KCND2: variants seen among roughly 807,000 people sequenced by gnomAD.
KCND2 encodes potassium voltage-gated channel subfamily D member 2.
In KCND2, 16 loss-of-function variants were observed where a neutral mutation model predicts 54.4. That is an observed-to-expected ratio of 0.29 (90% CI 0.20 to 0.45). KCND2 has a LOEUF of 0.45. Ranked by LOEUF, KCND2 falls within the 20% of genes least tolerant of loss-of-function variation. The pLI, the probability that KCND2 is intolerant of heterozygous loss-of-function variation, is 1.00. For synonymous variants in KCND2, 317 were observed against 310.7 expected, an observed-to-expected ratio of 1.02 and a Z score of -0.21; for missense variants, 486 against 824.2, an observed-to-expected ratio of 0.59 and a Z score of 5.02.
chr7:120,661,577 G>C (rs1192381276), intron 1 of KCND2, among the ~76,000 whole-genome samples: 4 of 151,864 alleles, frequency 2.6e-5, no homozygotes, highest in African/African-American at 9.7e-5. Context: ...TTGAACCTGA[G>C]AGGCGGAGGC....
chr7:120,621,205 G>A (rs921708057), intron 1 of KCND2, among the ~76,000 whole-genome samples: 4 of 149,750 alleles, frequency 2.7e-5, no homozygotes, highest in East Asian at 2.0e-4. Context: ...CCCAGGAGGC[G>A]GAGGTTGCAG....
chr7:120,483,012 G>T (rs1057451859), intron 1 of KCND2, among the ~76,000 whole-genome samples: 3 of 152,106 alleles, frequency 2.0e-5, no homozygotes, highest in African/African-American at 7.2e-5. Context: ...AAGGTGAGGG[G>T]ACTTGAGAAA....
chr7:120,283,253 T>C, intron 1 of KCND2, among the ~76,000 whole-genome samples: 1 of 152,098 alleles, frequency 6.6e-6, no homozygotes. Flanking sequence ...AAATGGAATC[T>C]GAAAAGTAGT....
intron 1 of KCND2, among the ~76,000 whole-genome samples, chr7:120,466,342 T>C (rs1190241929): frequency 6.6e-6 from 1 of 152,076 alleles, no homozygotes; most frequent in Non-Finnish European, 1.5e-5. Flanking sequence ...TAGGAAAAGA[T>C]AGAGAGTAAT....
At chr7:120,461,141 G>A (rs1032161255) in intron 1 of KCND2, among the ~76,000 whole-genome samples, 3 of 152,068 alleles carry the variant, frequency 2.0e-5, no homozygotes, top group African/African-American at 7.2e-5. Context: ...CCACTGTGTT[G>A]ACATTAGTAC....
intron 1 of KCND2, among the ~76,000 whole-genome samples, chr7:120,719,558 A>C (rs1266606304): frequency 6.6e-6 from 1 of 152,180 alleles, no homozygotes; most frequent in Non-Finnish European, 1.5e-5. Flanking sequence ...TTTATTGCCA[A>C]AACCTTCATC....
At chr7:120,505,898 A>G (rs1803008843) in intron 1 of KCND2, among the ~76,000 whole-genome samples, 1 of 151,838 alleles carries the variant, frequency 6.6e-6, no homozygotes, top group Admixed American at 6.6e-5. Flanking sequence ...CCTTTTTGAA[A>G]ACAACACATT....
chr7:120,307,083 T>TCA (rs1207622332), intron 1 of KCND2, among the ~76,000 whole-genome samples: 1 of 152,080 alleles, frequency 6.6e-6, no homozygotes, highest in Admixed American at 6.6e-5. Context: ...ATTTATGCTG[T>TCA]GTTAGATTAC....
intron 1 of KCND2, among the ~76,000 whole-genome samples, chr7:120,342,789 C>A (rs1016580918): frequency 6.6e-6 from 1 of 151,954 alleles, no homozygotes; most frequent in Non-Finnish European, 1.5e-5. Context: ...AAAGACAATG[C>A]ACATTTTCTA....
intron 1 of KCND2, among the ~76,000 whole-genome samples, chr7:120,293,791 T>C (rs1799471509): frequency 6.6e-6 from 1 of 151,880 alleles, no homozygotes. Context: ...GACTCAGAAA[T>C]GATTGATGTT....
intron 1 of KCND2, among the ~76,000 whole-genome samples, chr7:120,404,861 C>T (rs193122842): frequency 1.7e-4 from 26 of 152,120 alleles, no homozygotes; most frequent in African/African-American, 6.0e-4. Context: ...ATAACAAATG[C>T]CCTGTATCAT....
In KCND2 at chr7:120,570,533, A is replaced by G. The variant is rs548329064; in HGVS notation, c.1116-162370A>G. Reference sequence around the variant, plus strand: ...AACCAATAAAAAAAGAAATGTTTTAATAACAAAAAAGTGTATTTCAGATAA... The same window carrying G: ...AACCAATAAAAAAAGAAATGTTTTAGTAACAAAAAAGTGTATTTCAGATAA... On this transcript the variant is annotated intron_variant, in intron 1 of 5. Coordinates refer to ENST00000331113, the MANE Select transcript of KCND2 (RefSeq NM_012281.3). Among the ~76,000 whole-genome samples the G allele has an allele frequency of 2.0e-5, 3 of 152,170 alleles. No homozygotes were observed. The South Asian group carries it at 6.2e-4, about 32-fold the overall frequency.
At chr7:120,555,884 T>G (rs1455328762) in intron 1 of KCND2, among the ~76,000 whole-genome samples, 2 of 152,182 alleles carry the variant, frequency 1.3e-5, no homozygotes, top group African/African-American at 4.8e-5. Flanking sequence ...TTTTCCCTGA[T>G]GGACAGAAAT....
intron 1 of KCND2, among the ~76,000 whole-genome samples, chr7:120,375,973 A>C (rs1053355661): frequency 2.6e-5 from 4 of 151,750 alleles, no homozygotes; most frequent in African/African-American, 9.7e-5. Context: ...TGGGCTTAAA[A>C]CAGAATTTGC....
intron 1 of KCND2, among the ~76,000 whole-genome samples, chr7:120,327,521 T>G (rs944856473): frequency 6.6e-6 from 1 of 152,078 alleles, no homozygotes; most frequent in Non-Finnish European, 1.5e-5. Flanking sequence ...AGACAAAACC[T>G]TGCTAGAACC....
intron 1 of KCND2, among the ~76,000 whole-genome samples, chr7:120,447,487 A>G (rs2116209846): frequency 6.6e-6 from 1 of 152,320 alleles, no homozygotes; most frequent in Middle Eastern, 3.4e-3. Context: ...TGTAACTGAA[A>G]AGAAGGTCAA....
rs536175567 is a variant in KCND2 at position 120,539,088 on chromosome 7, A to G, written c.1116-193815A>G. Among the ~76,000 whole-genome samples, 7 of 152,272 alleles carry G rather than the reference A, an allele frequency of 4.6e-5. No individual in the cohort carries two copies. In the East Asian group the frequency reaches 1.2e-3, roughly 25 times the overall value. On this transcript the variant is annotated intron_variant, in intron 1 of 5. Transcript: ENST00000331113. Reference sequence around the variant, plus strand: ...CCATTATATATGTTATTATAAACACATATAGACTATATAACCATATTATAG... The same window carrying G: ...CCATTATATATGTTATTATAAACACGTATAGACTATATAACCATATTATAG...
intron 1 of KCND2, among the ~76,000 whole-genome samples, chr7:120,412,705 T>C (rs1009215823): frequency 1.3e-5 from 2 of 152,114 alleles, no homozygotes; most frequent in African/African-American, 4.8e-5. Context: ...ACTGAAGCTG[T>C]AGTGTTTGAA....
chr7:120,552,247 C>T (rs955216983), intron 1 of KCND2, among the ~76,000 whole-genome samples: 1 of 152,188 alleles, frequency 6.6e-6, no homozygotes, highest in Non-Finnish European at 1.5e-5. Context: ...AGAGAATAAC[C>T]ATTGTGTTTA....
Sources: gnomAD v4.1 joint callset for allele counts (sites outside exome capture counted in the v4.1 genomes callset) on GRCh38, gnomAD v4.1.1 for gene constraint, MANE v1.5 for transcripts, NCBI Gene and HGNC (gene_info 2026-07-23, HGNC 2026-07-21) for gene names.